IL22RA2: variants seen among roughly 807,000 people sequenced by gnomAD.
IL22RA2 encodes interleukin 22 receptor subunit alpha 2.
IL22RA2 carries 39 observed loss-of-function variants against 30.7 expected under a neutral mutation model. The ratio of observed to expected loss-of-function variants is 1.27; its 90% CI spans 0.98 to 1.66. IL22RA2 has a LOEUF of 1.66. Ranked by LOEUF, IL22RA2 falls within the 40% of genes most tolerant of loss-of-function variation. IL22RA2 has a pLI of 0.00. For missense variants in IL22RA2, 315 were observed against 312.7 expected (o/e 1.01, Z -0.05); for synonymous variants, 103 against 105.0 (o/e 0.98, Z 0.11).
At chr6:137,146,832 A>G (rs1441449463) in intron 6 of IL22RA2, among the ~76,000 whole-genome samples, 1 of 151,678 alleles carries the variant, frequency 6.6e-6, no homozygotes, top group Non-Finnish European at 1.5e-5. Flanking sequence ...GTCCCTACTA[A>G]AAGTACAAAA....
intron 5 of IL22RA2, among the ~76,000 whole-genome samples, chr6:137,152,212 C>G (rs867154015): frequency 4.6e-5 from 7 of 151,200 alleles, no homozygotes; most frequent in African/African-American, 1.5e-4. Context: ...GATCCTGTCT[C>G]TCAAAAAAAC....
intron 5 of IL22RA2, among the ~76,000 whole-genome samples, chr6:137,152,867 A>T (rs966345019): frequency 6.6e-6 from 1 of 152,154 alleles, no homozygotes; most frequent in African/African-American, 2.4e-5. Flanking sequence ...CTCTTACCAA[A>T]GTTGGTCTGA....
Position 137,161,746 on chromosome 6 carries a change from T to C in IL22RA2, c.4A>G (p.Met2Val). The part of the protein sequence containing the change: M[M>V]PKHCFLGFLI... ...AAGCCTAGAAAGCAATGTTTAGGCA[T>C]CATGGTTGCAAGTGTGACTGTTCAG... is the stretch of plus-strand genomic sequence containing the variant. The change falls in exon 2 of 7, where the codon ATG becomes GTG. Residue 2 changes from methionine to valine, a missense_variant. Coordinates refer to ENST00000296980, the MANE Select transcript of IL22RA2 (RefSeq NM_052962.3). 6.2e-7 allele frequency: 1 copy of C among 1,613,466 alleles called. No homozygotes were observed. Among genetic ancestry groups the C allele is most frequent in the African/African-American group, 1.3e-5 (1 of 75,052 alleles).
intron 5 of IL22RA2, among the ~76,000 whole-genome samples, chr6:137,148,903 A>G (rs1207139348): frequency 6.6e-6 from 1 of 152,142 alleles, no homozygotes; most frequent in African/African-American, 2.4e-5. Flanking sequence ...AGATTTTGCA[A>G]TTGATTGCAA....
chr6:137,155,125 G>C lies in IL22RA2; in HGVS notation c.294-6C>G. On this transcript the variant is annotated splice_polypyrimidine_tract_variant and splice_region_variant and intron_variant, in intron 4 of 6. Coordinates refer to ENST00000296980, the MANE Select transcript of IL22RA2 (RefSeq NM_052962.3). Reference sequence around the variant, plus strand: ...TCCATTGTCTCTGTCCATATCTGTAGCAGGGAAAAGGCAAAGATCTGAGTT... The same window carrying C: ...TCCATTGTCTCTGTCCATATCTGTACCAGGGAAAAGGCAAAGATCTGAGTT... 2.0e-6 allele frequency: 3 copies of C among 1,524,442 alleles called. No individual in the cohort carries two copies. The highest frequency in any genetic ancestry group is 1.3e-5 in the South Asian group (1 of 78,562). The allele number at this position is 1,524,442 out of a possible 1,614,324, so 94.4% of individuals were successfully genotyped here.
intron 1 of IL22RA2, among the ~76,000 whole-genome samples, chr6:137,163,044 C>G (rs1655952644): frequency 6.6e-6 from 1 of 152,220 alleles, no homozygotes; most frequent in Non-Finnish European, 1.5e-5. Flanking sequence ...TGGACCTTAT[C>G]TATACTTCCC....
intron 4 of IL22RA2, among the ~76,000 whole-genome samples, chr6:137,156,300 T>C (rs1383266540): frequency 6.6e-6 from 1 of 152,168 alleles, no homozygotes; most frequent in Non-Finnish European, 1.5e-5. Flanking sequence ...TTTCCCAAAA[T>C]ATTTATTGAA....
chr6:137,150,631 G>T (rs1322511441), intron 5 of IL22RA2, among the ~76,000 whole-genome samples: 1 of 151,962 alleles, frequency 6.6e-6, no homozygotes, highest in East Asian at 1.9e-4. Flanking sequence ...CTGGCCTAAT[G>T]GCTTAGACTG....
chr6:137,158,832 A>G lies in IL22RA2; in HGVS notation c.62-350T>C, dbSNP rs149470671. Among the ~76,000 whole-genome samples the G allele has an allele frequency of 5.1e-4, 78 of 152,272 alleles. 2 individuals carry two copies. The highest frequency in any genetic ancestry group is 1.8e-3 in the African/African-American group (74 of 41,548). On this transcript the variant is annotated intron_variant, in intron 2 of 6. Coordinates refer to ENST00000296980, the MANE Select transcript of IL22RA2 (RefSeq NM_052962.3). ...ACTGAGATGAAAGACCCACACTAAG[A>G]CCACCAACCATCTTCTTAGGAATCA...
chr6:137,169,196 G>A (rs1381418699), intron 1 of IL22RA2, among the ~76,000 whole-genome samples: 1 of 152,166 alleles, frequency 6.6e-6, no homozygotes, highest in Non-Finnish European at 1.5e-5. Context: ...ACCAGATAGG[G>A]GAAACAACTT....
At chr6:137,153,849 C>T (rs542603821) in intron 5 of IL22RA2, among the ~76,000 whole-genome samples, 14 of 152,168 alleles carry the variant, frequency 9.2e-5, no homozygotes, top group African/African-American at 3.1e-4. Context: ...TCAAACTCCT[C>T]GTGGATAAAG....
intron 1 of IL22RA2, among the ~76,000 whole-genome samples, chr6:137,162,607 A>T (rs567970283): frequency 2.6e-5 from 4 of 152,332 alleles, no homozygotes; most frequent in Non-Finnish European, 4.4e-5. Flanking sequence ...TCTATGATTC[A>T]TTATATCATT....
chr6:137,146,718 C>T (rs1242493612), intron 6 of IL22RA2, among the ~76,000 whole-genome samples: 1 of 152,166 alleles, frequency 6.6e-6, no homozygotes, highest in East Asian at 1.9e-4. Context: ...CAAGGCCAGG[C>T]CTGGTGGCTC....
chr6:137,159,604 T>C (rs1778480130), intron 2 of IL22RA2, among the ~76,000 whole-genome samples: 1 of 152,210 alleles, frequency 6.6e-6, no homozygotes, highest in South Asian at 2.1e-4. Flanking sequence ...ATTACAGGCG[T>C]GAGCCACTGC....
At chr6:137,151,843 A>G (rs1778298370) in intron 5 of IL22RA2, among the ~76,000 whole-genome samples, 2 of 152,214 alleles carry the variant, frequency 1.3e-5, no homozygotes, top group African/African-American at 2.4e-5. Context: ...TAAAAACCAC[A>G]TGAGTTACCA....
intron 5 of IL22RA2, among the ~76,000 whole-genome samples, chr6:137,154,620 A>AACACAC (rs10682551): frequency 0.038 from 5,619 of 148,490 alleles, 105 homozygotes; most frequent in Middle Eastern, 0.073. Context: ...GTCACACACA[A>AACACAC]ACACACACAC....
chr6:137,160,322 C>T (rs1778497095), intron 2 of IL22RA2, among the ~76,000 whole-genome samples: 1 of 152,226 alleles, frequency 6.6e-6, no homozygotes, highest in African/African-American at 2.4e-5. Context: ...TGCATTCACT[C>T]ATTTAATTTG....
intron 1 of IL22RA2, among the ~76,000 whole-genome samples, chr6:137,163,286 C>T (rs1357453112): frequency 6.6e-6 from 1 of 152,214 alleles, no homozygotes; most frequent in Non-Finnish European, 1.5e-5. Flanking sequence ...ACTTTCTGGA[C>T]ATATGTGCTA....
chr6:137,145,504 C>T lies in IL22RA2; in HGVS notation c.*120G>A. On this transcript the variant is annotated 3_prime_UTR_variant, in exon 7 of 7. Transcript: ENST00000296980. ...AAACAAAGAAGTCCCCAAGGTGTAA[C>T]AGTGAATATTGCTTTAAGAAAATAC... 5.0e-6 allele frequency: 4 copies of T among 807,200 alleles called. No individual in the cohort carries two copies. Among genetic ancestry groups the T allele is most frequent in the South Asian group, 2.1e-5 (1 of 47,750 alleles). 50.0% of individuals were successfully genotyped at this position (807,200 alleles called of 1,614,324 possible).
Sources: gnomAD v4.1 joint callset for allele counts (sites outside exome capture counted in the v4.1 genomes callset) on GRCh38, gnomAD v4.1.1 for gene constraint, MANE v1.5 for transcripts, NCBI Gene and HGNC (gene_info 2026-07-23, HGNC 2026-07-21) for gene names.